Variants in ITGB4 observed in about 807,000 individuals in gnomAD.
The protein encoded by ITGB4 is integrin beta-4.
A neutral mutation model predicts 207.6 loss-of-function variants in ITGB4; 159 were observed. The observed-to-expected ratio is 0.77, with a 90% CI of 0.67 to 0.87. The LOEUF (loss-of-function observed/expected upper bound fraction) is 0.87. Among genes scored for constraint, ITGB4 ranks in the 40% least tolerant of loss-of-function variants. The probability of loss-of-function intolerance (pLI) is 0.00; values close to 1 mark genes in which losing one functional copy is unlikely to be tolerated. For synonymous variants in ITGB4, 1,020 were observed against 1,062.7 expected (o/e 0.96, Z 0.78); for missense variants, 2,278 against 2,546.8 (o/e 0.89, Z 2.27).
chr17:75,750,811 G>C lies in ITGB4; in HGVS notation c.3606G>C (p.Gln1202His), dbSNP rs748186100. 1.2e-6 allele frequency: 2 copies of C among 1,613,458 alleles called. No homozygotes were observed. Among genetic ancestry groups the C allele is most frequent in the Admixed American group, 3.3e-5 (2 of 60,026 alleles). The change falls in exon 29 of 40, where the codon CAG (glutamine) becomes CAC (histidine). Residue 1202 changes from glutamine (Q) to histidine (H), a missense_variant. Physicochemically the swap from Gln to His is conservative, Grantham distance 24. Coordinates refer to ENST00000200181, the MANE Select transcript of ITGB4 (RefSeq NM_000213.5). The surrounding 1 kb of genome is among the most constrained non-coding windows in gnomAD (Gnocchi z 5.5). ...TGAAGGTGTGCGCCTACGGGGCTCA[G>C]GGCGAGGGACCCTACAGCTCCCTGG... Reference protein sequence around the residue: ...YEMKVCAYGAQGEGPYSSLVS... With the variant: ...YEMKVCAYGAHGEGPYSSLVS...
Position 75,757,208 on chromosome 17 carries a change from C to T in ITGB4, c.5227C>T (p.Pro1743Ser), listed in dbSNP as rs1393248458. Residue 1743 changes from proline to serine, a missense_variant, in exon 39 of 40, where the codon CCG (proline) becomes TCG (serine). Transcript: ENST00000200181. ...CTATCTGCCCACCCCAGGACCCTTC[C>T]CGCAGCTGGGCAGCCGTGCCGGGCT... ...TIESQDGGPFPQLGSRAGLFQ... is the reference protein window; with the variant it reads ...TIESQDGGPFSQLGSRAGLFQ... 8 of 1,612,306 alleles carry T rather than the reference C, an allele frequency of 5.0e-6. No homozygotes were observed. The Admixed American group carries it at 5.0e-5, about 10-fold the overall frequency.
chr17:75,724,580 G>C, intron 1 of ITGB4, 114 bp from the exon 2 acceptor site: 1 of 862,390 alleles, frequency 1.2e-6, no homozygotes. Context: ...GGGCGCCCTT[G>C]GTCACATTGT....
At chr17:75,754,097 G>C (rs921625206) in intron 33 of ITGB4, 123 bp downstream of exon 33, 11 of 445,934 alleles carry the variant, frequency 2.5e-5, no homozygotes, top group African/African-American at 6.1e-5. Flanking sequence ...GGGCCTTGGC[G>C]GCTGGGAGCA....
chr17:75,724,589 G>A, intron 1 of ITGB4, 105 bp from the exon 2 acceptor site: 3 of 921,190 alleles, frequency 3.3e-6, no homozygotes, highest in Non-Finnish European at 5.4e-6. Context: ...TGGTCACATT[G>A]TTGGTGCTCA....
rs535829039 is a variant in ITGB4, at chr17:75,727,068, G to A, written c.80-127G>A. 5.4e-5 allele frequency: 44 copies of A among 808,346 alleles called. No homozygotes were observed. The African/African-American group carries it at 6.6e-4, about 12-fold the overall frequency. The allele number at this position is 808,346 out of a possible 1,614,324, so 50.1% of individuals were successfully genotyped here. A position where few individuals can be genotyped will look rare whatever the true frequency, so the allele number is the denominator to read the frequency against. ...AGCCTGGGCAACAGAGCGAGACTCT[G>A]TCTCAAAATAAATAAATAAATAACA... On this transcript the variant is annotated intron_variant, in intron 2 of 39. Coordinates refer to ENST00000200181, the MANE Select transcript of ITGB4 (RefSeq NM_000213.5). This position sits in a 1 kb window ranked among gnomAD's most constrained non-coding sequence, Gnocchi z 6.0.
chr17:75,755,894 G>A (rs759425288), intron 35 of ITGB4, 44 bp downstream of exon 35: 1 of 1,587,176 alleles, frequency 6.3e-7, no homozygotes, highest in South Asian at 1.1e-5. Flanking sequence ...AGCCCTGCAA[G>A]GCCTGGCCCC....
chr17:75,733,831 G>T, intron 13 of ITGB4, 139 bp downstream of exon 13: 2 of 944,176 alleles, frequency 2.1e-6, no homozygotes, highest in South Asian at 1.4e-5. Context: ...CACTCTGGAT[G>T]CCCTGAGGGC....
At position 75,750,707 on chromosome 17, in the gene ITGB4, G is replaced by T. The variant is rs777175509; in HGVS notation, c.3502G>T (p.Glu1168Ter). 1.2e-6 allele frequency: 2 copies of T among 1,613,368 alleles called. No homozygotes were observed. The highest frequency in any genetic ancestry group is 1.7e-6 in the Non-Finnish European group (2 of 1,180,018). Residue 1168 changes from glutamate to a stop codon, truncating the protein, a stop_gained, in exon 29 of 40, where the codon GAA (glutamate) becomes TAA (stop). Coordinates refer to ENST00000200181, the MANE Select transcript of ITGB4 (RefSeq NM_000213.5). LOFTEE classifies it high-confidence loss of function. This position sits in a 1 kb window ranked among gnomAD's most constrained non-coding sequence, Gnocchi z 5.5. ...AAAGTACTGGATTCAGGGTGACTCC[G>T]AATCCGAAGCCCACCTGCTCGACAG... ...RVKYWIQGDS[E>*]SEAHLLDSKV... is the part of the protein sequence containing the mutation.
intron 27 of ITGB4, among the ~76,000 whole-genome samples, chr17:75,749,354 C>T (rs1476567785): frequency 6.6e-6 from 1 of 152,044 alleles, no homozygotes; most frequent in Non-Finnish European, 1.5e-5. Context: ...ATAGTGAGAC[C>T]TCGTCTCTAC....
At position 75,727,070 on chromosome 17, in the gene ITGB4, C is replaced by A; in HGVS notation, c.80-125C>A. Reference sequence around the variant, plus strand: ...CCTGGGCAACAGAGCGAGACTCTGTCTCAAAATAAATAAATAAATAACATA... The same window carrying A: ...CCTGGGCAACAGAGCGAGACTCTGTATCAAAATAAATAAATAAATAACATA... On this transcript the variant is annotated intron_variant, in intron 2 of 39. Transcript: ENST00000200181. This position sits in a 1 kb window ranked among gnomAD's most constrained non-coding sequence, Gnocchi z 6.0. 1.2e-6 allele frequency: 1 copy of A among 822,362 alleles called. No individual in the cohort carries two copies. The highest frequency in any genetic ancestry group is 2.0e-6 in the Non-Finnish European group (1 of 494,368). The allele number at this position is 822,362 out of a possible 1,614,324, so 50.9% of individuals were successfully genotyped here. A position where few individuals can be genotyped will look rare whatever the true frequency, so the allele number is the denominator to read the frequency against.
chr17:75,750,133 G>A lies in ITGB4; in HGVS notation c.3339G>A (p.Thr1113=), dbSNP rs760575008. 3.0e-5 allele frequency: 48 copies of A among 1,613,594 alleles called. No homozygotes were observed. Among genetic ancestry groups the A allele is most frequent in the Middle Eastern group, 3.3e-4 (2 of 6,084 alleles). ...RDPDELDRSF[T]SQMLSSQPPP... is the part of the protein sequence containing the mutation. The stretch of plus-strand genomic sequence containing the variant: ...TAGATGAACTGGACCGGAGCTTCAC[G>A]AGTCAGATGTTGTCATCACAGCCAC... Residue 1113 remains threonine, a synonymous_variant, in exon 28 of 40, where the codon ACG becomes ACA. Transcript: ENST00000200181. The surrounding 1 kb of genome is among the most constrained non-coding windows in gnomAD (Gnocchi z 5.5).
chr17:75,733,838 G>A, intron 13 of ITGB4, 146 bp downstream of exon 13: 1 of 907,560 alleles, frequency 1.1e-6, no homozygotes. Context: ...GATGCCCTGA[G>A]GGCCGCCCCT....
Position 75,732,246 on chromosome 17 carries a change from G to T in ITGB4, c.1454+7G>T. 4 of 1,613,794 alleles carry T rather than the reference G, an allele frequency of 2.5e-6. No individual in the cohort carries two copies. Among genetic ancestry groups the T allele is most frequent in the Non-Finnish European group, 3.4e-6 (4 of 1,179,912 alleles). On this transcript the variant is annotated splice_region_variant and intron_variant, in intron 12 of 39. Coordinates refer to ENST00000200181, the MANE Select transcript of ITGB4 (RefSeq NM_000213.5). The surrounding 1 kb of genome is among the most constrained non-coding windows in gnomAD (Gnocchi z 5.3). ...GTGTGTGCAGCGAGGGCTGGTGAGT[G>T]GGGAAGGGAGTTGGGCACCCAGGAC...
chr17:75,754,351 C>A (rs188042833), intron 33 of ITGB4: 4 of 614,290 alleles, frequency 6.5e-6, no homozygotes, highest in African/African-American at 5.5e-5. Context: ...GTGCTCACAC[C>A]GATAGAGTGG....
In ITGB4 at chr17:75,756,409, C is replaced by T. The variant is rs1599321584; in HGVS notation, c.4709-20C>T. ...GGGAGTAACACTGCACTACTGTGTG[C>T]CCCCACCTGATCCCCCCAGGTGAGC... On this transcript the variant is annotated intron_variant, in intron 35 of 39. Transcript: ENST00000200181. The T allele has an allele frequency of 6.2e-7, 1 of 1,612,350 alleles. No homozygotes were observed. Among genetic ancestry groups the T allele is most frequent in the Non-Finnish European group, 8.5e-7 (1 of 1,179,372 alleles).
intron 32 of ITGB4, 31 bp from the exon 33 acceptor site, chr17:75,753,734 G>GCCAACGC (rs2061421665): frequency 7.3e-7 from 1 of 1,362,856 alleles, no homozygotes; most frequent in East Asian, 2.8e-5. Context: ...GCCCCCCGGC[G>GCCAACGC]GTGCCAACGC....
chr17:75,737,688 C>G (rs1346430628), intron 18 of ITGB4, 44 bp downstream of exon 18: 1 of 1,523,878 alleles, frequency 6.6e-7, no homozygotes, highest in Non-Finnish European at 9.0e-7. Flanking sequence ...TCCCAGGGTC[C>G]CCACCCCAAC....
At chr17:75,725,303 A>T (rs2060696232) in intron 2 of ITGB4, among the ~76,000 whole-genome samples, 1 of 151,730 alleles carries the variant, frequency 6.6e-6, no homozygotes, top group Non-Finnish European at 1.5e-5. Flanking sequence ...AGCCGTTGTT[A>T]TTTTTTTATT....
chr17:75,740,511 G>T lies in ITGB4; in HGVS notation c.2550+50G>T. ...GCCGGAGATGTGGGTATGAGGGCGG[G>T]TGAGGTGGGCAGGGCAGAGCGAATG... On this transcript the variant is annotated intron_variant, in intron 21 of 39. Transcript: ENST00000200181. This position sits in a 1 kb window ranked among gnomAD's most constrained non-coding sequence, Gnocchi z 5.9. The T allele has an allele frequency of 1.4e-6, 2 of 1,443,354 alleles. No homozygotes were observed. Among genetic ancestry groups the T allele is most frequent in the Non-Finnish European group, 1.9e-6 (2 of 1,027,306 alleles). The allele number at this position is 1,443,354 out of a possible 1,614,324, so 89.4% of individuals were successfully genotyped here.
Sources: allele counts gnomAD v4.1 joint callset (sites outside exome capture counted in the v4.1 genomes callset), GRCh38; gene constraint gnomAD v4.1.1; non-coding constraint Gnocchi (gnomAD v3.1); transcripts MANE v1.5; gene names NCBI Gene and HGNC (gene_info 2026-07-23, HGNC 2026-07-21).